Variants in EPS15L1 observed in about 807,000 individuals in gnomAD.
EPS15L1 encodes the protein epidermal growth factor receptor pathway substrate 15 like 1.
In EPS15L1, 43 loss-of-function variants were observed where a neutral mutation model predicts 117.1. The ratio of observed to expected loss-of-function variants is 0.37; its 90% CI spans 0.29 to 0.47. The LOEUF is 0.47. Among genes scored for constraint, EPS15L1 ranks in the 20% least tolerant of loss-of-function variants. The pLI is 0.99. For synonymous variants in EPS15L1, 459 were observed against 470.5 expected, an observed-to-expected ratio of 0.98 and a Z score of 0.32; for missense variants, 981 against 1,164.0, an observed-to-expected ratio of 0.84 and a Z score of 2.29.
chr19:16,358,755 G>C (rs1257497134), intron 23 of EPS15L1, among the ~76,000 whole-genome samples: 1 of 152,208 alleles, frequency 6.6e-6, no homozygotes, highest in African/African-American at 2.4e-5. Flanking sequence ...CCATGTGCAG[G>C]ACATGCCTAG....
intron 21 of EPS15L1, among the ~76,000 whole-genome samples, chr19:16,378,696 C>T (rs931857375): frequency 1.3e-5 from 2 of 152,120 alleles, no homozygotes; most frequent in African/African-American, 4.8e-5. Flanking sequence ...TCACTTGGAG[C>T]GCCGGTGAGG....
chr19:16,444,171 C>CA (rs61347144), intron 1 of EPS15L1, among the ~76,000 whole-genome samples: 14,386 of 71,038 alleles, frequency 0.2, 803 homozygotes, highest in Admixed American at 0.24. Context: ...GGGAAAAAGT[C>CA]AAAAAAAAAA....
intron 22 of EPS15L1, among the ~76,000 whole-genome samples, chr19:16,369,493 G>C (rs904266457): frequency 6.6e-6 from 1 of 152,188 alleles, no homozygotes. Context: ...CCCAATGGCT[G>C]TGGCCTCATC....
At chr19:16,452,149 A>C (rs1348581852) in intron 1 of EPS15L1, among the ~76,000 whole-genome samples, 5 of 150,930 alleles carry the variant, frequency 3.3e-5, no homozygotes, top group African/African-American at 9.7e-5. Flanking sequence ...AAAAAAAAAA[A>C]ACCACACAAC....
intron 1 of EPS15L1, among the ~76,000 whole-genome samples, chr19:16,463,747 G>A (rs1222455828): frequency 1.3e-5 from 2 of 152,180 alleles, no homozygotes; most frequent in Non-Finnish European, 2.9e-5. Context: ...ATTATAAACG[G>A]CTAAATGGAA....
chr19:16,432,500 G>A lies in EPS15L1; in HGVS notation c.498+1865C>T, dbSNP rs1393522508. Among the ~76,000 whole-genome samples, 8 of 152,154 alleles carry A rather than the reference G, an allele frequency of 5.3e-5. No individual in the cohort carries two copies. In the East Asian group the frequency reaches 1.4e-3, roughly 26 times the overall value. ...GGAGAACGGCGTGAACCCAGGAGGC[G>A]GAGCTTGCAGTGAGCAGAGATTGCG... On this transcript the variant is annotated intron_variant, in intron 7 of 23. Transcript: ENST00000455140.
chr19:16,421,545 T>C, intron 9 of EPS15L1, 69 bp from the exon 10 acceptor site: 1 of 1,505,712 alleles, frequency 6.6e-7, no homozygotes, highest in Non-Finnish European at 9.1e-7. Flanking sequence ...TGCTTTTTGA[T>C]GATGGGGCGA....
intron 23 of EPS15L1, among the ~76,000 whole-genome samples, chr19:16,359,168 C>T (rs1741452120): frequency 6.6e-6 from 1 of 152,186 alleles, no homozygotes; most frequent in African/African-American, 2.4e-5. Context: ...GAACAGCAGT[C>T]TCAGAACGTC....
chr19:16,431,537 C>A (rs1014211185), intron 7 of EPS15L1, among the ~76,000 whole-genome samples: 1 of 151,942 alleles, frequency 6.6e-6, no homozygotes, highest in African/African-American at 2.4e-5. Context: ...CTTTTGATCT[C>A]GTGATCTGCC....
intron 15 of EPS15L1, 35 bp from the exon 16 acceptor site, chr19:16,402,520 G>A (rs2092612924): frequency 1.3e-6 from 2 of 1,546,580 alleles, no homozygotes; most frequent in Non-Finnish European, 8.7e-7. Context: ...ATTAAGCAGG[G>A]TCAGGAAAAC....
chr19:16,384,068 AG>A (rs1411305611), intron 21 of EPS15L1: 1 of 152,328 alleles, frequency 6.6e-6, no homozygotes, highest in African/African-American at 2.4e-5. Flanking sequence ...GGGCTCCAGG[AG>A]GGGGGCTGTG....
At chr19:16,356,034 C>T (rs1036998306) in intron 23 of EPS15L1, among the ~76,000 whole-genome samples, 183 bp from the exon 24 acceptor site, 4 of 152,254 alleles carry the variant, frequency 2.6e-5, no homozygotes, top group African/African-American at 9.6e-5. Context: ...TCTCAGGCCC[C>T]CCATCTGGAA....
chr19:16,412,893 G>T, intron 13 of EPS15L1: 3 of 621,738 alleles, frequency 4.8e-6, no homozygotes, highest in South Asian at 4.4e-5. Context: ...TCACCAAGCT[G>T]GGCCGCCTGG....
At position 16,405,374 on chromosome 19, in the gene EPS15L1, G is replaced by A. The variant is rs538044354; in HGVS notation, c.1267-625C>T. 2.0e-5 allele frequency among the ~76,000 whole-genome samples: 3 copies of A among 152,296 alleles called. No individual in the cohort carries two copies. Among genetic ancestry groups the A allele is most frequent in the Non-Finnish European group, 2.9e-5 (2 of 68,026 alleles). ...CGCTGGGCTCTGTGGTGGGGAGCCC[G>A]GTGGGATGTGTGAGTGTGGGAGGCG... On this transcript the variant is annotated intron_variant, in intron 13 of 23. Coordinates refer to ENST00000455140, the MANE Select transcript of EPS15L1 (RefSeq NM_001258374.3). This position sits in a 1 kb window ranked among gnomAD's most constrained non-coding sequence, Gnocchi z 4.0.
At chr19:16,361,692 G>C in intron 23 of EPS15L1, 87 bp downstream of exon 23, 1 of 1,487,876 alleles carries the variant, frequency 6.7e-7, no homozygotes, top group Non-Finnish European at 8.9e-7. Context: ...GAAGCTGGGA[G>C]GTTTGCCTTT....
chr19:16,385,330 C>T (rs2092408716), intron 20 of EPS15L1, 119 bp from the exon 21 acceptor site: 3 of 819,684 alleles, frequency 3.7e-6, no homozygotes, highest in South Asian at 2.9e-5. Flanking sequence ...TGCATTTATT[C>T]ATTAGACACG....
At chr19:16,430,472 T>C (rs2092916413) in intron 7 of EPS15L1, among the ~76,000 whole-genome samples, 1 of 152,146 alleles carries the variant, frequency 6.6e-6, no homozygotes, top group South Asian at 2.1e-4. Flanking sequence ...GAAAAATGGG[T>C]GGTGGAGGGG....
chr19:16,363,169 C>T (rs2144637305), intron 22 of EPS15L1, among the ~76,000 whole-genome samples: 1 of 152,302 alleles, frequency 6.6e-6, no homozygotes, highest in East Asian at 1.9e-4. Context: ...ATGCTCCTGA[C>T]ACCCCTCTAT....
chr19:16,461,156 T>G (rs2145178430), intron 1 of EPS15L1, among the ~76,000 whole-genome samples: 1 of 151,162 alleles, frequency 6.6e-6, no homozygotes, highest in South Asian at 2.1e-4. Flanking sequence ...ATACAAAAAT[T>G]AGCCGGGCGT....
Sources: gnomAD v4.1 joint callset for allele counts (sites outside exome capture counted in the v4.1 genomes callset) on GRCh38, gnomAD v4.1.1 for gene constraint, Gnocchi (gnomAD v3.1) non-coding constraint, MANE v1.5 for transcripts, NCBI Gene and HGNC (gene_info 2026-07-23, HGNC 2026-07-21) for gene names.